NAALADL2: variants seen among roughly 807,000 people sequenced by gnomAD.
NAALADL2 encodes N-acetylated alpha-linked acidic dipeptidase like 2, also known as inactive N-acetylated-alpha-linked acidic dipeptidase-like protein 2.
Under a neutral mutation model 87.2 loss-of-function variants are expected in NAALADL2, and 76 were observed. That is an observed-to-expected ratio of 0.87 (90% CI 0.72 to 1.05). The LOEUF (loss-of-function observed/expected upper bound fraction) is 1.05. NAALADL2 is among the 50% of genes least tolerant of loss of function. The probability of loss-of-function intolerance (pLI) is 0.00; values close to 1 mark genes in which losing one functional copy is unlikely to be tolerated. For synonymous variants in NAALADL2, 354 were observed against 331.0 expected, an observed-to-expected ratio of 1.07 and a Z score of -0.75; for missense variants, 1,089 against 945.8, an observed-to-expected ratio of 1.15 and a Z score of -1.99.
intron 2 of NAALADL2, among the ~76,000 whole-genome samples, chr3:175,132,635 CGGGGTGGCTGGCCGGGCGGGGGGCTG>C (rs1728287179): frequency 8.1e-5 from 7 of 85,986 alleles, no homozygotes; most frequent in South Asian, 4.5e-4. Flanking sequence ...CCCTCCCGGA[CGGGGTGGCTGGCCGGGCGGGGGGCTG>C]ACCCCTCCAC....
At chr3:174,443,583 A>G (rs1577924151) in intron 1 of NAALADL2, among the ~76,000 whole-genome samples, 1 of 152,228 alleles carries the variant, frequency 6.6e-6, no homozygotes, top group East Asian at 1.9e-4. Context: ...CTAATGGCAT[A>G]CATTTAGGAC....
At chr3:174,687,581 A>G (rs1021002143) in intron 2 of NAALADL2, among the ~76,000 whole-genome samples, 1 of 152,150 alleles carries the variant, frequency 6.6e-6, no homozygotes, top group Non-Finnish European at 1.5e-5. Context: ...CTTTATGGTG[A>G]GAAGGGGGCA....
chr3:174,732,579 G>A (rs1282606515), intron 2 of NAALADL2, among the ~76,000 whole-genome samples: 2 of 152,094 alleles, frequency 1.3e-5, no homozygotes, highest in East Asian at 1.9e-4. Flanking sequence ...AGGCTCAGAG[G>A]TGGATCAAAA....
intron 2 of NAALADL2, among the ~76,000 whole-genome samples, chr3:175,201,869 G>A (rs925615414): frequency 6.6e-6 from 1 of 151,662 alleles, no homozygotes; most frequent in African/African-American, 2.4e-5. Flanking sequence ...ATTTGGAGGA[G>A]GTAGTGGGAT....
rs541600678 is a variant in NAALADL2 at position 175,802,892 on chromosome 3, T to A, written c.2190-113T>A. On this transcript the variant is annotated intron_variant, in intron 13 of 13. Transcript: ENST00000454872. ...GAAAAATCGTGATATTATATTTTTATAATTTATTCATTTATTGAAAACATC... is the reference window on the plus strand; with the variant it reads ...GAAAAATCGTGATATTATATTTTTAAAATTTATTCATTTATTGAAAACATC... The A allele has an allele frequency of 3.9e-4, 268 of 681,972 alleles. 6 individuals carry two copies. In the South Asian group the frequency reaches 5.1e-3, roughly 13 times the overall value. 42.2% of individuals were successfully genotyped at this position (681,972 alleles called of 1,614,324 possible). A position where few individuals can be genotyped will look rare whatever the true frequency, so the allele number is the denominator to read the frequency against.
intron 2 of NAALADL2, among the ~76,000 whole-genome samples, chr3:174,657,465 A>T (rs1402833535): frequency 1.3e-5 from 2 of 152,080 alleles, no homozygotes; most frequent in South Asian, 2.1e-4. Flanking sequence ...CCACAAAAAA[A>T]TTTTTAAGAC....
chr3:174,803,655 A>G (rs1206963373), intron 3 of NAALADL2, among the ~76,000 whole-genome samples: 1 of 152,194 alleles, frequency 6.6e-6, no homozygotes. Context: ...TATAAGGTGT[A>G]AGGAAGGAAT....
intron 10 of NAALADL2, among the ~76,000 whole-genome samples, chr3:175,584,106 C>T (rs1720192495): frequency 6.6e-6 from 1 of 151,232 alleles, no homozygotes; most frequent in African/African-American, 2.4e-5. Context: ...GGTGCGATCT[C>T]AGCTCACTGC....
chr3:175,323,232 G>T (rs36171508), intron 4 of NAALADL2, among the ~76,000 whole-genome samples: 8,777 of 146,994 alleles, frequency 0.06, 353 homozygotes, highest in East Asian at 0.19. Context: ...GTAAACTATC[G>T]CAAGAACAAA....
chr3:175,119,008 T>C (rs1725720618), intron 2 of NAALADL2, among the ~76,000 whole-genome samples: 1 of 151,686 alleles, frequency 6.6e-6, no homozygotes, highest in Non-Finnish European at 1.5e-5. Flanking sequence ...TAAAATATAT[T>C]AACTTTGTTT....
intron 2 of NAALADL2, among the ~76,000 whole-genome samples, chr3:174,714,204 C>G (rs1225600259): frequency 1.3e-5 from 2 of 152,060 alleles, no homozygotes; most frequent in African/African-American, 4.8e-5. Context: ...TTTACTGTAG[C>G]CTTGTAGTAT....
chr3:174,824,667 C>T (rs1721791515), intron 3 of NAALADL2, among the ~76,000 whole-genome samples: 1 of 152,066 alleles, frequency 6.6e-6, no homozygotes, highest in African/African-American at 2.4e-5. Context: ...ATAAATCAAT[C>T]AATTAGGAGA....
chr3:175,228,887 TAATAA>T (rs1194287696), intron 2 of NAALADL2, among the ~76,000 whole-genome samples: 1 of 151,904 alleles, frequency 6.6e-6, no homozygotes, highest in Non-Finnish European at 1.5e-5. Context: ...GATGTGAAAA[TAATAA>T]AATATTTGCA....
At chr3:175,057,604 A>G (rs1223570340) in intron 1 of NAALADL2, among the ~76,000 whole-genome samples, 1 of 152,156 alleles carries the variant, frequency 6.6e-6, no homozygotes, top group East Asian at 1.9e-4. Context: ...ATTCCCCTCC[A>G]GGAACTCTTG....
At chr3:175,155,058 G>A (rs996395730) in intron 2 of NAALADL2, among the ~76,000 whole-genome samples, 1 of 152,208 alleles carries the variant, frequency 6.6e-6, no homozygotes, top group South Asian at 2.1e-4. Flanking sequence ...GACTACATTC[G>A]TATGACCTTG....
intron 1 of NAALADL2, among the ~76,000 whole-genome samples, chr3:175,048,735 A>C (rs1438066031): frequency 6.6e-6 from 1 of 152,128 alleles, no homozygotes; most frequent in South Asian, 2.1e-4. Flanking sequence ...GGATACTCTT[A>C]GGTTTCAGAG....
chr3:175,705,592 G>A (rs980285125), intron 11 of NAALADL2, among the ~76,000 whole-genome samples: 7 of 151,372 alleles, frequency 4.6e-5, no homozygotes, highest in Non-Finnish European at 8.8e-5. Flanking sequence ...TGTCTTCTGT[G>A]AGCTACAGAT....
At chr3:175,009,933 T>C (rs960365579) in intron 1 of NAALADL2, among the ~76,000 whole-genome samples, 2 of 152,074 alleles carry the variant, frequency 1.3e-5, no homozygotes, top group African/African-American at 4.8e-5. Flanking sequence ...CAAATAAATG[T>C]TAACAAAATC....
At chr3:174,673,209 C>T (rs1053310079) in intron 2 of NAALADL2, among the ~76,000 whole-genome samples, 3 of 151,916 alleles carry the variant, frequency 2.0e-5, no homozygotes, top group African/African-American at 7.2e-5. Context: ...CCACTTTATG[C>T]AAGACATTGG....
Sources: allele counts gnomAD v4.1 joint callset (sites outside exome capture counted in the v4.1 genomes callset), GRCh38; gene constraint gnomAD v4.1.1; transcripts MANE v1.5; gene names NCBI Gene and HGNC (gene_info 2026-07-23, HGNC 2026-07-21).